Variants in PRIMA1 observed in about 807,000 individuals in gnomAD.
PRIMA1 encodes the protein proline rich membrane anchor 1.
PRIMA1 carries 7 observed loss-of-function variants against 17.5 expected under a neutral mutation model. The observed-to-expected ratio is 0.40, with a 90% CI of 0.23 to 0.75. The LOEUF (loss-of-function observed/expected upper bound fraction) is 0.75, where lower values mean the gene tolerates loss of function less well. PRIMA1 is among the 30% of genes least tolerant of loss of function. The pLI is 0.37. For synonymous variants in PRIMA1, 97 were observed against 77.9 expected, an observed-to-expected ratio of 1.25 and a Z score of -1.29; for missense variants, 200 against 201.8, an observed-to-expected ratio of 0.99 and a Z score of 0.05.
intron 2 of PRIMA1, among the ~76,000 whole-genome samples, chr14:93,781,746 G>T (rs371683807): frequency 6.9e-6 from 1 of 145,604 alleles, no homozygotes; most frequent in Non-Finnish European, 1.5e-5. Flanking sequence ...AGGCCAAGGC[G>T]GGCGGATCAC....
At chr14:93,759,490 C>T (rs137912576) in intron 3 of PRIMA1, among the ~76,000 whole-genome samples, 16 of 151,998 alleles carry the variant, frequency 1.1e-4, no homozygotes, top group African/African-American at 2.9e-4. Flanking sequence ...TGTGTGTGCG[C>T]GTGCATGTGT....
At chr14:93,751,973 G>A (rs940244006) in intron 3 of PRIMA1, among the ~76,000 whole-genome samples, 2 of 152,270 alleles carry the variant, frequency 1.3e-5, no homozygotes, top group Non-Finnish European at 1.5e-5. Flanking sequence ...ATAGCTACAC[G>A]TGGTTAATGG....
intron 3 of PRIMA1, among the ~76,000 whole-genome samples, chr14:93,746,832 A>G (rs2076221579): frequency 6.6e-6 from 1 of 152,198 alleles, no homozygotes; most frequent in African/African-American, 2.4e-5. Context: ...GGCAGCAGAC[A>G]CAGAGAGGAG....
At position 93,726,179 on chromosome 14, in the gene PRIMA1, C is replaced by T. The variant is rs1273376898; in HGVS notation, c.360-4633G>A. Among the ~76,000 whole-genome samples, 1 of 152,204 alleles carries T rather than the reference C, an allele frequency of 6.6e-6. No homozygotes were observed. Among genetic ancestry groups the T allele is most frequent in the Non-Finnish European group, 1.5e-5 (1 of 68,028 alleles). The stretch of plus-strand genomic sequence containing the variant: ...TGCCGCGCGGACAGCTCCAGCCGCA[C>T]ATGCCAGCAGCCACGAGGGGCCCCT... On this transcript the variant is annotated intron_variant, in intron 4 of 4. Transcript: ENST00000393140. This position sits in a 1 kb window ranked among gnomAD's most constrained non-coding sequence, Gnocchi z 4.2.
At chr14:93,785,527 G>A (rs1885499612) in intron 2 of PRIMA1, among the ~76,000 whole-genome samples, 1 of 152,108 alleles carries the variant, frequency 6.6e-6, no homozygotes, top group South Asian at 2.1e-4. Flanking sequence ...CTCATGGAAG[G>A]GCAGATAGCT....
chr14:93,745,296 G>A (rs369496024), intron 3 of PRIMA1, among the ~76,000 whole-genome samples: 5 of 152,312 alleles, frequency 3.3e-5, no homozygotes, highest in South Asian at 2.1e-4. Context: ...CCACCAGGAC[G>A]GTCTCAGGGC....
intron 3 of PRIMA1, among the ~76,000 whole-genome samples, chr14:93,764,646 T>A (rs369993964): frequency 6.6e-6 from 1 of 152,168 alleles, no homozygotes; most frequent in African/African-American, 2.4e-5. Flanking sequence ...GCTCCTTAAA[T>A]ATGTTATTTA....
chr14:93,777,328 G>A (rs898513664), intron 3 of PRIMA1, among the ~76,000 whole-genome samples: 1 of 145,380 alleles, frequency 6.9e-6, no homozygotes, highest in Non-Finnish European at 1.6e-5. Flanking sequence ...TAGCAACCTG[G>A]AACAATCCCA....
intron 3 of PRIMA1, among the ~76,000 whole-genome samples, chr14:93,745,603 C>G (rs1392627562): frequency 6.6e-6 from 1 of 152,234 alleles, no homozygotes; most frequent in Non-Finnish European, 1.5e-5. Flanking sequence ...CAGGCCCCCA[C>G]CTGGGCATTC....
At chr14:93,739,815 C>T (rs1438417632) in intron 3 of PRIMA1, among the ~76,000 whole-genome samples, 1 of 152,086 alleles carries the variant, frequency 6.6e-6, no homozygotes, top group Non-Finnish European at 1.5e-5. Context: ...CCTGTAATCC[C>T]AGCAGTTTGG....
At chr14:93,757,379 T>G (rs1232178868) in intron 3 of PRIMA1, among the ~76,000 whole-genome samples, 1 of 152,250 alleles carries the variant, frequency 6.6e-6, no homozygotes, top group Admixed American at 6.5e-5. Flanking sequence ...AGCGGCTCTA[T>G]GGACACGTCA....
chr14:93,721,876 C>T (rs1051337866), intron 4 of PRIMA1, among the ~76,000 whole-genome samples: 7 of 152,316 alleles, frequency 4.6e-5, no homozygotes, highest in South Asian at 2.1e-4. Context: ...CAGTCTAGCA[C>T]GATCAGGCCT....
At chr14:93,779,405 C>G in intron 2 of PRIMA1, 94 bp from the exon 3 acceptor site, 1 of 1,117,780 alleles carries the variant, frequency 8.9e-7, no homozygotes, top group Non-Finnish European at 1.3e-6. Flanking sequence ...CCCTGCCAGG[C>G]TGGGACTTGG....
At chr14:93,779,387 A>T (rs1303903588) in intron 2 of PRIMA1, 76 bp from the exon 3 acceptor site, 1 of 1,292,794 alleles carries the variant, frequency 7.7e-7, no homozygotes, top group Non-Finnish European at 1.0e-6. Flanking sequence ...AGCCCAGGCC[A>T]CCCCGTCCCC....
At chr14:93,761,393 T>C (rs2078134826) in intron 3 of PRIMA1, among the ~76,000 whole-genome samples, 1 of 152,162 alleles carries the variant, frequency 6.6e-6, no homozygotes. Flanking sequence ...ATGTAAGCTA[T>C]GGTTTATAAA....
chr14:93,733,505 G>A (rs560264400), intron 4 of PRIMA1, among the ~76,000 whole-genome samples: 2 of 152,126 alleles, frequency 1.3e-5, no homozygotes, highest in Admixed American at 6.5e-5. Context: ...CCCGTGTCCC[G>A]GCAGCTGACA....
At chr14:93,721,686 C>G (rs574844026) in intron 4 of PRIMA1, 140 bp from the exon 5 acceptor site, 1 of 637,318 alleles carries the variant, frequency 1.6e-6, no homozygotes, top group East Asian at 2.7e-5. Context: ...TGGCTCTGTC[C>G]TCGGTTAGCA....
intron 1 of PRIMA1, 34 bp from the exon 2 acceptor site, chr14:93,787,783 A>C: frequency 1.3e-6 from 2 of 1,518,450 alleles, no homozygotes. Context: ...TCAGGCGGAC[A>C]CCGCGCAGGC....
chr14:93,772,521 C>G (rs1041154502), intron 3 of PRIMA1, among the ~76,000 whole-genome samples: 14 of 152,250 alleles, frequency 9.2e-5, no homozygotes, highest in Admixed American at 2.0e-4. Context: ...CGGGGACAGG[C>G]AGGCCATGGC....
Sources: allele counts gnomAD v4.1 joint callset (sites outside exome capture counted in the v4.1 genomes callset), GRCh38; gene constraint gnomAD v4.1.1; non-coding constraint Gnocchi (gnomAD v3.1); transcripts MANE v1.5; gene names NCBI Gene and HGNC (gene_info 2026-07-23, HGNC 2026-07-21).